The following CCDC32 variants were observed in gnomAD, a reference collection of about 807,000 sequenced individuals.
CCDC32 encodes coiled-coil domain containing 32, also known as coiled-coil domain-containing protein 32.
Under a neutral mutation model 20.1 loss-of-function variants are expected in CCDC32, and 9 were observed. The observed-to-expected ratio is 0.45, with a 90% CI of 0.27 to 0.78. The LOEUF is 0.78. Ranked by LOEUF, CCDC32 falls within the 30% of genes least tolerant of loss-of-function variation. The pLI, the probability that CCDC32 is intolerant of heterozygous loss-of-function variation, is 0.16. For synonymous variants in CCDC32, 63 were observed against 79.0 expected (o/e 0.80, Z 1.07); for missense variants, 204 against 215.5 (o/e 0.95, Z 0.33).
At chr15:40,529,579 T>C (rs1029081515) in intron 3 of CCDC32, 3 of 152,008 alleles carry the variant, frequency 2.0e-5, no homozygotes, top group Admixed American at 6.6e-5. Flanking sequence ...AGTACTCTCT[T>C]CCCGCAGTGC....
chr15:40,526,243 G>C (rs1313305794), downstream of CCDC32, among the ~76,000 whole-genome samples: 1 of 152,160 alleles, frequency 6.6e-6, no homozygotes, highest in East Asian at 1.9e-4. Flanking sequence ...GTAAGTGTGT[G>C]TTGGGGGGTC....
intron 3 of CCDC32, 38 bp downstream of exon 3, chr15:40,557,178 G>T (rs1357061178): frequency 6.3e-7 from 1 of 1,575,990 alleles, no homozygotes; most frequent in East Asian, 2.3e-5. Flanking sequence ...ACTACATAAA[G>T]GATGATTTCA....
At chr15:40,547,718 C>T (rs1889678574) in intron 3 of CCDC32, among the ~76,000 whole-genome samples, 1 of 152,200 alleles carries the variant, frequency 6.6e-6, no homozygotes, top group Admixed American at 6.5e-5. Context: ...CCCGCCATGG[C>T]TTAAGGCTTT....
chr15:40,522,408 C>G, the CCDC32 span, among the ~76,000 whole-genome samples: 1 of 152,136 alleles, frequency 6.6e-6, no homozygotes, highest in Admixed American at 6.6e-5. Flanking sequence ...CAACTTTGTT[C>G]TTCTTTTTCA....
downstream of CCDC32, among the ~76,000 whole-genome samples, chr15:40,524,684 G>GA (rs942306942): frequency 2.6e-5 from 4 of 151,130 alleles, no homozygotes; most frequent in Non-Finnish European, 5.9e-5. Flanking sequence ...CATTGGGGTG[G>GA]TGGTTACATG....
downstream of CCDC32, chr15:40,528,628 G>C: frequency 1.6e-6 from 1 of 631,250 alleles, no homozygotes; most frequent in Non-Finnish European, 2.8e-6. Flanking sequence ...AATGCAGAAG[G>C]CCTGAGGAGA....
chr15:40,546,629 T>C (rs1294269862), intron 3 of CCDC32, among the ~76,000 whole-genome samples: 3 of 152,200 alleles, frequency 2.0e-5, no homozygotes, highest in African/African-American at 4.8e-5. Flanking sequence ...ATCTGTGTCA[T>C]TTGTGAGTCT....
the CCDC32 span, among the ~76,000 whole-genome samples, chr15:40,522,431 C>G: frequency 6.6e-6 from 1 of 152,144 alleles, no homozygotes; most frequent in African/African-American, 2.4e-5. Context: ...ACTGTTTTGG[C>G]TATTCTGGAT....
downstream of CCDC32, among the ~76,000 whole-genome samples, chr15:40,530,750 A>C: frequency 6.8e-6 from 1 of 146,612 alleles, no homozygotes; most frequent in Non-Finnish European, 1.5e-5. Context: ...ACAGGATCTC[A>C]CTCTGTCACC....
intron 1 of CCDC32, among the ~76,000 whole-genome samples, chr15:40,564,378 T>C (rs1450492870): frequency 6.6e-6 from 1 of 152,156 alleles, no homozygotes; most frequent in Non-Finnish European, 1.5e-5. Context: ...TACTGATATG[T>C]GGGGAATCCT....
downstream of CCDC32, among the ~76,000 whole-genome samples, chr15:40,524,090 G>A (rs1894866551): frequency 7.1e-6 from 1 of 141,196 alleles, no homozygotes; most frequent in Non-Finnish European, 1.5e-5. Flanking sequence ...AACAATTAAA[G>A]ACAAGTCAGT....
At chr15:40,530,582 C>T (rs1239379790), downstream of CCDC32, among the ~76,000 whole-genome samples, 1 of 150,874 alleles carries the variant, frequency 6.6e-6, no homozygotes, top group Non-Finnish European at 1.5e-5. Flanking sequence ...ACACTAGGTC[C>T]GCTTTGCCTT....
At chr15:40,539,202 T>C, downstream of CCDC32, 1 of 1,512,306 alleles carries the variant, frequency 6.6e-7, no homozygotes, top group Non-Finnish European at 8.9e-7. Flanking sequence ...TCCCACATGG[T>C]TCTGCACATC....
intron 3 of CCDC32, among the ~76,000 whole-genome samples, chr15:40,541,584 A>T (rs1362460244): frequency 6.6e-6 from 1 of 152,152 alleles, no homozygotes; most frequent in African/African-American, 2.4e-5. Flanking sequence ...CACCCGCCTC[A>T]GCCTCCCACA....
At position 40,553,940 on chromosome 15, in the gene CCDC32, GT is replaced by G; in HGVS notation, c.*30del. The stretch of plus-strand genomic sequence containing the variant: ...TGTGTGTGTGTGTGTGTGTGTGTGT[GT>G]GTGTGTGTGTGTGTGTGTGTGTGTG... On this transcript the variant is annotated 3_prime_UTR_variant, in exon 4 of 4. Coordinates refer to ENST00000416810, the MANE Select transcript of CCDC32 (RefSeq NM_001080792.4). The G allele has an allele frequency of 1.8e-6, 1 of 546,382 alleles. No homozygotes were observed. The highest frequency in any genetic ancestry group is 2.9e-6 in the Non-Finnish European group (1 of 344,246). 33.8% of individuals were successfully genotyped at this position (546,382 alleles called of 1,614,324 possible).
At chr15:40,539,375 C>T (rs117307252) in intron 3 of CCDC32, 17 of 1,525,048 alleles carry the variant, frequency 1.1e-5, no homozygotes, top group East Asian at 7.3e-5. Context: ...TAAGACAGAC[C>T]GACAGAGACG....
chr15:40,521,923 C>T, the CCDC32 span, among the ~76,000 whole-genome samples: 1 of 152,186 alleles, frequency 6.6e-6, no homozygotes, highest in Non-Finnish European at 1.5e-5. Context: ...TTTTCACCTT[C>T]CTATTGGTGT....
At chr15:40,534,928 G>T (rs759760686), downstream of CCDC32, 1 of 702,380 alleles carries the variant, frequency 1.4e-6, no homozygotes, top group Admixed American at 2.0e-5. Flanking sequence ...CAGATGTCAG[G>T]GTCTGAAGGC....
downstream of CCDC32, among the ~76,000 whole-genome samples, chr15:40,548,216 C>T (rs190999395): frequency 4.6e-4 from 70 of 152,204 alleles, no homozygotes; most frequent in East Asian, 6.0e-3. Context: ...ATTGTTAGGA[C>T]GGAAGGGACA....
Sources: gnomAD v4.1 joint callset for allele counts (sites outside exome capture counted in the v4.1 genomes callset) on GRCh38, gnomAD v4.1.1 for gene constraint, MANE v1.5 for transcripts, NCBI Gene and HGNC (gene_info 2026-07-23, HGNC 2026-07-21) for gene names.